Variants in DMD observed in about 807,000 individuals in gnomAD.
DMD encodes dystrophin.
DMD carries 63 observed loss-of-function variants against 330.1 expected under a neutral mutation model. The ratio of observed to expected loss-of-function variants is 0.19; its 90% CI spans 0.16 to 0.24. The LOEUF (loss-of-function observed/expected upper bound fraction) is 0.24. DMD is among the 10% of genes least tolerant of loss of function. DMD has a pLI of 1.00. For synonymous variants in DMD, 1,223 were observed against 959.8 expected (o/e 1.27, Z -5.07); for missense variants, 3,344 against 2,684.1 (o/e 1.25, Z -5.43).
chrX:31,723,793 G>A (rs1438184475), intron 52 of DMD, among the ~76,000 whole-genome samples: 2 of 110,594 alleles, frequency 1.8e-5, no homozygotes, highest in Non-Finnish European at 3.8e-5. Context: ...TCTTATTCAT[G>A]ACCAGGTCAA....
At chrX:31,379,975 T>C (rs1443968645) in intron 60 of DMD, among the ~76,000 whole-genome samples, 1 of 111,600 alleles carries the variant, frequency 9.0e-6, no homozygotes, top group African/African-American at 3.3e-5. Flanking sequence ...GGCTGAAGAC[T>C]GACGCTGCCC....
intron 7 of DMD, among the ~76,000 whole-genome samples, chrX:32,741,517 C>T (rs1045702896): frequency 5.4e-5 from 6 of 111,590 alleles, no homozygotes; most frequent in Admixed American, 1.9e-4. Context: ...ATAAGACGAT[C>T]AACAACCTTA....
chrX:32,547,450 G>T (rs1603635995), intron 16 of DMD, among the ~76,000 whole-genome samples: 1 of 110,612 alleles, frequency 9.0e-6, no homozygotes, highest in South Asian at 3.8e-4. Flanking sequence ...GTCTGTAATT[G>T]TTCTATATAA....
chrX:31,285,491 T>G (rs1018137020), intron 62 of DMD, among the ~76,000 whole-genome samples: 10 of 112,438 alleles, frequency 8.9e-5, no homozygotes, highest in Non-Finnish European at 1.7e-4. Flanking sequence ...AAAATGTTTC[T>G]TAGTCCTTAA....
intron 63 of DMD, among the ~76,000 whole-genome samples, chrX:31,254,672 T>C (rs2049747953): frequency 9.0e-6 from 1 of 111,675 alleles, no homozygotes; most frequent in African/African-American, 3.3e-5. Flanking sequence ...GCCTAAATTC[T>C]ACTCTGTTGG....
In DMD at chrX:31,836,805, T is replaced by A; in HGVS notation, c.7113A>T (p.Ala2371=). Residue 2371 remains alanine, a synonymous_variant, in exon 49 of 79, where the codon GCA becomes GCT. Transcript: ENST00000357033. ...GPFDVKETEI[A]VQAKQPDVEE... ...CCACATCCGGTTGTTTAGCTTGAAC[T>A]GCTATTTCAGTTTCCTGGGGAAAAG... 1 of 1,210,024 alleles carries A rather than the reference T, an allele frequency of 8.3e-7. No homozygotes were observed.
At chrX:33,023,780 C>A (rs1399287978) in intron 1 of DMD, among the ~76,000 whole-genome samples, 2 of 110,889 alleles carry the variant, frequency 1.8e-5, no homozygotes, top group Non-Finnish European at 3.8e-5. Context: ...AATAATGAAC[C>A]TTCTCTATAG....
intron 55 of DMD, among the ~76,000 whole-genome samples, chrX:31,601,101 G>A (rs562744223): frequency 5.4e-5 from 6 of 111,660 alleles, no homozygotes; most frequent in South Asian, 7.5e-4. Flanking sequence ...GAGTTATTGC[G>A]GTACTATGTT....
chrX:33,288,327 G>A (rs1487702798), intron 1 of DMD, among the ~76,000 whole-genome samples: 1 of 111,601 alleles, frequency 9.0e-6, no homozygotes, highest in East Asian at 2.8e-4. Context: ...TAGGTTATCT[G>A]TTCCTATTTA....
chrX:32,815,520 T>TATATATATACACACACACATACAC, intron 6 of DMD, among the ~76,000 whole-genome samples: 1 of 78,959 alleles, frequency 1.3e-5, no homozygotes, highest in African/African-American at 5.3e-5. Flanking sequence ...TATATATATA[T>TATATATATACACACACACATACAC]ACACACACAC....
intron 1 of DMD, among the ~76,000 whole-genome samples, chrX:33,179,557 G>A (rs1477265816): frequency 4.6e-5 from 5 of 108,739 alleles, no homozygotes; most frequent in Admixed American, 3.0e-4. Flanking sequence ...AGCCGGGCGT[G>A]GTGGCGGGCG....
chrX:33,174,995 A>G (rs940359597), intron 1 of DMD, among the ~76,000 whole-genome samples: 1 of 111,682 alleles, frequency 9.0e-6, no homozygotes, highest in Non-Finnish European at 1.9e-5. Flanking sequence ...GACTTCCTTC[A>G]AGGTTGGCTT....
intron 2 of DMD, among the ~76,000 whole-genome samples, chrX:32,923,314 A>G (rs776407986): frequency 9.0e-6 from 1 of 111,634 alleles, no homozygotes; most frequent in East Asian, 2.8e-4. Flanking sequence ...TAATCTCAAT[A>G]CTTTGGGAGG....
intron 7 of DMD, among the ~76,000 whole-genome samples, chrX:32,731,448 C>G (rs1373897385): frequency 8.9e-6 from 1 of 112,866 alleles, no homozygotes; most frequent in South Asian, 3.6e-4. Context: ...TAGGCTCCAC[C>G]TCTGAGGGCA....
chrX:32,438,101 C>A, intron 29 of DMD, 140 bp downstream of exon 29: 1 of 614,628 alleles, frequency 1.6e-6, no homozygotes, highest in Non-Finnish European at 2.6e-6. Context: ...AAGAATTTAC[C>A]CAGTGTCTGG....
chrX:33,162,323 G>T (rs1396806368), intron 1 of DMD, among the ~76,000 whole-genome samples: 1 of 111,836 alleles, frequency 8.9e-6, no homozygotes, highest in Non-Finnish European at 1.9e-5. Flanking sequence ...GACGTTGACT[G>T]CCGAAGTGTA....
chrX:32,154,694 A>C (rs931376496), intron 44 of DMD, among the ~76,000 whole-genome samples: 1 of 111,638 alleles, frequency 9.0e-6, no homozygotes, highest in Non-Finnish European at 1.9e-5. Flanking sequence ...TGGTACTCAC[A>C]CTGAATTTTA....
chrX:31,400,646 G>A (rs1309232746), intron 60 of DMD, among the ~76,000 whole-genome samples: 1 of 111,908 alleles, frequency 8.9e-6, no homozygotes, highest in Non-Finnish European at 1.9e-5. Context: ...AGGAACAACA[G>A]AGGGAACGAA....
chrX:32,907,926 T>TA (rs1317950737), intron 2 of DMD, among the ~76,000 whole-genome samples: 4 of 111,271 alleles, frequency 3.6e-5, no homozygotes, highest in African/African-American at 1.3e-4. Context: ...TAAATACTGT[T>TA]AAACACAAAA....
Sources: allele counts gnomAD v4.1 joint callset (sites outside exome capture counted in the v4.1 genomes callset), GRCh38; gene constraint gnomAD v4.1.1; transcripts MANE v1.5; gene names NCBI Gene and HGNC (gene_info 2026-07-23, HGNC 2026-07-21).